C18orf63: variants seen among roughly 807,000 people sequenced by gnomAD.
C18orf63 encodes the protein uncharacterized protein C18orf63.
Under a neutral mutation model 75.3 loss-of-function variants are expected in C18orf63, and 50 were observed. The observed-to-expected ratio is 0.66, with a 90% CI of 0.53 to 0.84. The LOEUF (loss-of-function observed/expected upper bound fraction) is 0.84, where lower values mean the gene tolerates loss of function less well. Ranked by LOEUF, C18orf63 falls within the 40% of genes least tolerant of loss-of-function variation. The probability of loss-of-function intolerance (pLI) is 0.00; values close to 1 mark genes in which losing one functional copy is unlikely to be tolerated. For synonymous variants in C18orf63, 232 were observed against 267.6 expected (o/e 0.87, Z 1.30); for missense variants, 732 against 800.2 (o/e 0.91, Z 1.03).
At position 74,342,069 on chromosome 18, in the gene C18orf63, A is replaced by G. The variant is rs1430639469; in HGVS notation, c.649A>G (p.Ile217Val). ...MGQIINIFHA[I>V]PAACPFHSYG... Reference sequence around the variant, plus strand: ...ACAAATTATAAATATTTTTCATGCCATCCCCGCTGCCTGTCCTTTTCACTC... The same window carrying G: ...ACAAATTATAAATATTTTTCATGCCGTCCCCGCTGCCTGTCCTTTTCACTC... Residue 217 changes from isoleucine (I) to valine (V), a missense_variant, in exon 9 of 14, where the codon ATC (isoleucine) becomes GTC (valine). Physicochemically the swap from Ile to Val is conservative, Grantham distance 29 (BLOSUM62 3). Around this residue, in one of 3 missense-constraint regions of C18orf63, gnomAD observed 233 missense variants for 272.7 expected, o/e 0.85. Coordinates refer to ENST00000579455, the MANE Select transcript of C18orf63 (RefSeq NM_001174123.2). 1.2e-5 allele frequency: 19 copies of G among 1,528,746 alleles called. 1 individual carries two copies. The Middle Eastern group carries it at 5.0e-4, about 40-fold the overall frequency. The allele number at this position is 1,528,746 out of a possible 1,614,324, so 94.7% of individuals were successfully genotyped here. A position where few individuals can be genotyped will look rare whatever the true frequency, so the allele number is the denominator to read the frequency against.
intron 13 of C18orf63, among the ~76,000 whole-genome samples, chr18:74,355,500 T>G (rs1030116572): frequency 6.7e-6 from 1 of 148,762 alleles, no homozygotes; most frequent in Non-Finnish European, 1.5e-5. Context: ...TAAAAAGTCA[T>G]CCAGGAGGGG....
chr18:74,330,327 T>G (rs776029291), intron 6 of C18orf63, among the ~76,000 whole-genome samples: 7 of 152,188 alleles, frequency 4.6e-5, no homozygotes, highest in Non-Finnish European at 7.4e-5. Flanking sequence ...CATGCTTTTT[T>G]CATGTACTAA....
intron 13 of C18orf63, 109 bp downstream of exon 13, chr18:74,354,655 G>T: frequency 1.7e-6 from 1 of 595,310 alleles, no homozygotes; most frequent in Non-Finnish European, 2.9e-6. Flanking sequence ...TAAATTCTTT[G>T]AAACCGTAAA....
At chr18:74,326,523 G>T (rs150972251) in intron 4 of C18orf63, among the ~76,000 whole-genome samples, 4 of 152,084 alleles carry the variant, frequency 2.6e-5, no homozygotes, top group African/African-American at 9.7e-5. Context: ...CCCATACTTC[G>T]CACTGAAAAC....
intron 11 of C18orf63, among the ~76,000 whole-genome samples, chr18:74,351,362 G>A (rs929780269): frequency 6.6e-6 from 1 of 152,192 alleles, no homozygotes; most frequent in African/African-American, 2.4e-5. Flanking sequence ...GTTCTCTTGA[G>A]TCTGGATGTC....
At chr18:74,317,688 C>A (rs1984048674) in intron 1 of C18orf63, 146 bp from the exon 2 acceptor site, 2 of 472,614 alleles carry the variant, frequency 4.2e-6, no homozygotes, top group Non-Finnish European at 7.3e-6. Flanking sequence ...AGGTAAATGG[C>A]AGGGATACTT....
intron 4 of C18orf63, among the ~76,000 whole-genome samples, chr18:74,325,945 T>G (rs957074266): frequency 2.0e-5 from 3 of 152,188 alleles, no homozygotes; most frequent in African/African-American, 4.8e-5. Flanking sequence ...ACTTCCTCTT[T>G]GCATGCCAAG....
chr18:74,330,339 C>T (rs1036399468), intron 6 of C18orf63, among the ~76,000 whole-genome samples: 5 of 152,010 alleles, frequency 3.3e-5, no homozygotes, highest in African/African-American at 9.7e-5. Flanking sequence ...ATGTACTAAC[C>T]CTTCCCAAAG....
At position 74,334,631 on chromosome 18, in the gene C18orf63, G is replaced by C. The variant is rs1984362324; in HGVS notation, c.501+3689G>C. 2.0e-5 allele frequency among the ~76,000 whole-genome samples: 3 copies of C among 151,982 alleles called. No homozygotes were observed. The South Asian group carries it at 6.2e-4, about 32-fold the overall frequency. ...GAGATTCTGGTTTTTTTCTTTCATA[G>C]TTATTAGGTCAGGTTGTGGGGAGGG... On this transcript the variant is annotated intron_variant, in intron 7 of 13. Transcript: ENST00000579455.
chr18:74,339,537 A>C (rs1324933056), intron 8 of C18orf63, among the ~76,000 whole-genome samples: 2 of 152,156 alleles, frequency 1.3e-5, no homozygotes, highest in African/African-American at 4.8e-5. Flanking sequence ...CTAACATCAT[A>C]CTCAACAGTG....
chr18:74,354,339 A>G (rs2145134110), intron 12 of C18orf63, 71 bp downstream of exon 12: 2 of 1,346,528 alleles, frequency 1.5e-6, no homozygotes, highest in Non-Finnish European at 2.0e-6. Context: ...AAGGATTTAA[A>G]TGATTTCCCT....
At chr18:74,324,056 A>G (rs1984167848) in intron 4 of C18orf63, among the ~76,000 whole-genome samples, 1 of 152,254 alleles carries the variant, frequency 6.6e-6, no homozygotes, top group Non-Finnish European at 1.5e-5. Flanking sequence ...GCTAATTGTA[A>G]AATAAATGAA....
rs1573487 is a variant in C18orf63, at chr18:74,359,139, T to C, written c.*2692T>C. 79,371 of 152,026 alleles carry C rather than the reference T, an allele frequency of 0.52. 21,245 individuals carry two copies. Among genetic ancestry groups the C allele is most frequent in the Middle Eastern group, 0.6 (175 of 292 alleles). 9.4% of individuals were successfully genotyped at this position (152,026 alleles called of 1,614,324 possible). A position where few individuals can be genotyped will look rare whatever the true frequency, so the allele number is the denominator to read the frequency against. ...TTTAAAATGTTCACTTTGTTGTACG[T>C]TACATAGTGTCTTATTCAAAATTGA... is the stretch of plus-strand genomic sequence containing the variant. On this transcript the variant is annotated 3_prime_UTR_variant, in exon 14 of 14. Transcript: ENST00000579455.
At chr18:74,331,045 G>C (rs953233402) in intron 7 of C18orf63, 103 bp downstream of exon 7, 1 of 417,254 alleles carries the variant, frequency 2.4e-6, no homozygotes, top group Admixed American at 4.4e-5. Context: ...AACATAAAGC[G>C]TGCTAGAAAG....
intron 11 of C18orf63, among the ~76,000 whole-genome samples, chr18:74,349,715 G>T (rs904580914): frequency 7.9e-5 from 12 of 151,892 alleles, no homozygotes; most frequent in African/African-American, 2.9e-4. Flanking sequence ...CCACAAAACT[G>T]GTCCCTGGTG....
rs1984789305 is a variant in C18orf63 at position 74,357,544 on chromosome 18, G to C, written c.*1097G>C. The stretch of plus-strand genomic sequence containing the variant: ...TTTAAAAGAAACCAAAATCTTCATT[G>C]GCTATTCCACTGAAACAATAATTAC... On this transcript the variant is annotated 3_prime_UTR_variant, in exon 14 of 14. Transcript: ENST00000579455. 6.6e-6 allele frequency: 1 copy of C among 152,022 alleles called. No individual in the cohort carries two copies. The allele number at this position is 152,022 out of a possible 1,614,324, so 9.4% of individuals were successfully genotyped here. A position where few individuals can be genotyped will look rare whatever the true frequency, so the allele number is the denominator to read the frequency against.
At chr18:74,334,054 G>A (rs1264693201) in intron 7 of C18orf63, among the ~76,000 whole-genome samples, 1 of 151,946 alleles carries the variant, frequency 6.6e-6, no homozygotes, top group African/African-American at 2.4e-5. Flanking sequence ...TGAGATTCTA[G>A]GTCCTGTGTT....
At chr18:74,334,523 G>A (rs1984360217) in intron 7 of C18orf63, among the ~76,000 whole-genome samples, 1 of 152,092 alleles carries the variant, frequency 6.6e-6, no homozygotes, top group Non-Finnish European at 1.5e-5. Context: ...AAGGAAGGCA[G>A]GGGTTTTTTG....
chr18:74,332,471 G>T (rs752227664), intron 7 of C18orf63, among the ~76,000 whole-genome samples: 2 of 152,160 alleles, frequency 1.3e-5, no homozygotes, highest in East Asian at 3.9e-4. Context: ...TTGGGAGGCC[G>T]AAGTGGGTGG....
Sources: allele counts gnomAD v4.1 joint callset (sites outside exome capture counted in the v4.1 genomes callset), GRCh38; gene constraint gnomAD v4.1.1; regional missense constraint gnomAD v4.1.1; transcripts MANE v1.5; gene names NCBI Gene and HGNC (gene_info 2026-07-23, HGNC 2026-07-21).